The following MSH4 variants were observed in gnomAD, a reference collection of about 807,000 sequenced individuals.
MSH4 encodes mutS homolog 4, also known as mutS protein homolog 4.
In MSH4, 106 loss-of-function variants were observed where a neutral mutation model predicts 113.7. The ratio of observed to expected loss-of-function variants is 0.93; its 90% CI spans 0.80 to 1.10. The LOEUF is 1.10. Ranked by LOEUF, MSH4 falls within the 50% of genes least tolerant of loss-of-function variation. The pLI, the probability that MSH4 is intolerant of heterozygous loss-of-function variation, is 0.00. For synonymous variants in MSH4, 368 were observed against 380.2 expected (o/e 0.97, Z 0.37); for missense variants, 1,061 against 1,093.7 (o/e 0.97, Z 0.42).
intron 8 of MSH4, among the ~76,000 whole-genome samples, chr1:75,865,275 A>G (rs550877999): frequency 6.6e-6 from 1 of 152,350 alleles, no homozygotes; most frequent in East Asian, 1.9e-4. Context: ...ATAGAAATTC[A>G]TAATTTAAAT....
chr1:75,880,810 G>A (rs5745462), intron 13 of MSH4, among the ~76,000 whole-genome samples: 8,178 of 151,946 alleles, frequency 0.054, 379 homozygotes, highest in African/African-American at 0.12. Flanking sequence ...GAACAAGAAC[G>A]AGAGAGAAAG....
chr1:75,909,565 T>A lies in MSH4; in HGVS notation c.2620-3131T>A, dbSNP rs540181191. On this transcript the variant is annotated intron_variant, in intron 19 of 19. Coordinates refer to ENST00000263187, the MANE Select transcript of MSH4 (RefSeq NM_002440.4). ...GTTTACATGTGCCATGGTGGTTTGC[T>A]GCACCCATCAACCCGTCATCTAGGT... 7.2e-5 allele frequency among the ~76,000 whole-genome samples: 11 copies of A among 152,136 alleles called. No individual in the cohort carries two copies. In the South Asian group the frequency reaches 1.0e-3, roughly 14 times the overall value.
At chr1:75,810,665 A>T in intron 3 of MSH4, 32 bp from the exon 4 acceptor site, 1 of 1,020,592 alleles carries the variant, frequency 9.8e-7, no homozygotes. Context: ...CCTAAGCTTT[A>T]TTTAAGAAAT....
chr1:75,912,284 A>C (rs911652360), intron 19 of MSH4, among the ~76,000 whole-genome samples: 1 of 152,060 alleles, frequency 6.6e-6, no homozygotes, highest in African/African-American at 2.4e-5. Context: ...GCATCATTTA[A>C]AAGTATATTA....
At chr1:75,843,093 T>C (rs1404980839) in intron 7 of MSH4, among the ~76,000 whole-genome samples, 1 of 152,228 alleles carries the variant, frequency 6.6e-6, no homozygotes. Flanking sequence ...CCTCTCTCTC[T>C]CTGCCTCGGC....
At chr1:75,852,118 A>G (rs1651201419) in intron 8 of MSH4, among the ~76,000 whole-genome samples, 1 of 152,250 alleles carries the variant, frequency 6.6e-6, no homozygotes, top group Admixed American at 6.5e-5. Context: ...CATTTTATAT[A>G]AATGGAACAT....
At chr1:75,898,987 A>G (rs1262925817) in intron 18 of MSH4, among the ~76,000 whole-genome samples, 1 of 152,190 alleles carries the variant, frequency 6.6e-6, no homozygotes, top group East Asian at 1.9e-4. Flanking sequence ...GCTGTGTGGC[A>G]CACTGCTTAG....
intron 8 of MSH4, among the ~76,000 whole-genome samples, chr1:75,850,748 A>G (rs778183352): frequency 4.0e-5 from 6 of 151,752 alleles, no homozygotes; most frequent in African/African-American, 7.3e-5. Flanking sequence ...TTGTTTTTCT[A>G]TTTGTTCTAT....
chr1:75,910,322 T>C (rs1652762411), intron 19 of MSH4, among the ~76,000 whole-genome samples: 1 of 152,144 alleles, frequency 6.6e-6, no homozygotes, highest in African/African-American at 2.4e-5. Context: ...TTTTCTCTTT[T>C]CTTAATTCTG....
chr1:75,889,752 CTCTTCTTTG>C (rs1330149449), intron 16 of MSH4, among the ~76,000 whole-genome samples: 1 of 152,050 alleles, frequency 6.6e-6, no homozygotes, highest in Non-Finnish European at 1.5e-5. Context: ...AAAAATCATC[CTCTTCTTTG>C]TTCTCATAGA....
Position 75,890,902 on chromosome 1 carries a change from C to A in MSH4, c.2355+78C>A, listed in dbSNP as rs1478072865. ...TTATTATTATTGAATTTTATGGACA[C>A]CCACAAATAGCTTTTAAAACAATTT... On this transcript the variant is annotated intron_variant, in intron 17 of 19. Transcript: ENST00000263187. 7 of 1,225,712 alleles carry A rather than the reference C, an allele frequency of 5.7e-6. No individual in the cohort carries two copies. In the East Asian group the frequency reaches 1.0e-4, roughly 18 times the overall value. 75.9% of individuals were successfully genotyped at this position (1,225,712 alleles called of 1,614,324 possible). A position where few individuals can be genotyped will look rare whatever the true frequency, so the allele number is the denominator to read the frequency against.
chr1:75,875,553 C>T (rs1203184022), intron 9 of MSH4, among the ~76,000 whole-genome samples: 1 of 152,106 alleles, frequency 6.6e-6, no homozygotes, highest in Non-Finnish European at 1.5e-5. Flanking sequence ...TAAAAGCGGG[C>T]CAGCAAAATG....
Position 75,881,334 on chromosome 1 carries a change from CT to C in MSH4, c.1871del (p.Leu624ArgfsTer21). 9 of 1,611,910 alleles carry C rather than the reference CT, an allele frequency of 5.6e-6. No homozygotes were observed. The highest frequency in any genetic ancestry group is 7.6e-6 in the Non-Finnish European group (9 of 1,178,958). ...CACTGTGTCAATGCTGGATATGCTA[CT>C]GTCATTTGCTCATGCCTGCACTCTT... Reference protein sequence around the residue: ...SDTVSMLDMLLSFAHACTLSD... With the variant: ...SDTVSMLDMLXSFAHACTLSD... On this transcript the variant is annotated frameshift_variant, in exon 14 of 20. Coordinates refer to ENST00000263187, the MANE Select transcript of MSH4 (RefSeq NM_002440.4). LOFTEE classifies it high-confidence loss of function.
At chr1:75,819,721 G>C (rs1453230743) in intron 6 of MSH4, among the ~76,000 whole-genome samples, 1 of 152,022 alleles carries the variant, frequency 6.6e-6, no homozygotes, top group Non-Finnish European at 1.5e-5. Flanking sequence ...CTTTGTTTTT[G>C]TTTGTTTTAG....
At chr1:75,900,393 C>T (rs1354331861) in intron 19 of MSH4, among the ~76,000 whole-genome samples, 1 of 152,080 alleles carries the variant, frequency 6.6e-6, no homozygotes, top group African/African-American at 2.4e-5. Flanking sequence ...CCTCCGCCTC[C>T]TGGGTTTAAG....
intron 8 of MSH4, among the ~76,000 whole-genome samples, chr1:75,856,895 C>G (rs1026155112): frequency 1.3e-5 from 2 of 152,158 alleles, no homozygotes; most frequent in African/African-American, 4.8e-5. Context: ...CTAATTTACA[C>G]TCCCACCAAC....
At chr1:75,875,737 C>T (rs561680304) in intron 9 of MSH4, among the ~76,000 whole-genome samples, 1 of 152,146 alleles carries the variant, frequency 6.6e-6, no homozygotes, top group East Asian at 1.9e-4. Flanking sequence ...TGCAGGTACT[C>T]TGGGGGTGCT....
chr1:75,896,584 G>C (rs925281147), intron 17 of MSH4, among the ~76,000 whole-genome samples: 3 of 151,510 alleles, frequency 2.0e-5, no homozygotes, highest in African/African-American at 7.3e-5. Context: ...TTCTACAATA[G>C]TTTAAAATAG....
intron 19 of MSH4, among the ~76,000 whole-genome samples, chr1:75,903,412 G>C (rs1199136080): frequency 2.6e-5 from 4 of 152,010 alleles, no homozygotes; most frequent in Non-Finnish European, 2.9e-5. Context: ...CCAGGACTCT[G>C]TTGTTTTGGT....
Sources: gnomAD v4.1 joint callset for allele counts (sites outside exome capture counted in the v4.1 genomes callset) on GRCh38, gnomAD v4.1.1 for gene constraint, MANE v1.5 for transcripts, NCBI Gene and HGNC (gene_info 2026-07-23, HGNC 2026-07-21) for gene names.